The following ODF2 variants were observed in gnomAD, a reference collection of about 807,000 sequenced individuals.
The protein encoded by ODF2 is outer dense fiber of sperm tails 2, also known as outer dense fiber protein 2.
In ODF2, 47 loss-of-function variants were observed where a neutral mutation model predicts 110.2. The observed-to-expected ratio is 0.43, with a 90% CI of 0.34 to 0.54. The LOEUF (loss-of-function observed/expected upper bound fraction) is 0.54. Ranked by LOEUF, ODF2 falls within the 20% of genes least tolerant of loss-of-function variation. ODF2 has a pLI of 0.03. For missense variants in ODF2, 812 were observed against 1,054.5 expected (o/e 0.77, Z 3.19); for synonymous variants, 352 against 397.7 (o/e 0.89, Z 1.37).
intron 1 of ODF2, chr9:128,457,054 G>T: frequency 7.7e-7 from 1 of 1,304,588 alleles, no homozygotes; most frequent in Non-Finnish European, 9.9e-7. Context: ...GGCGCCTCAG[G>T]TTTCCCCCGG....
In ODF2 at chr9:128,492,731, G is replaced by A. The variant is rs1844842126; in HGVS notation, c.1678G>A (p.Val560Ile). Residue 560 changes from valine (V) to isoleucine (I), a missense_variant, in exon 16 of 21, where the codon GTA (valine) becomes ATA (isoleucine). Physicochemically the swap from Val to Ile is conservative, Grantham distance 29 (BLOSUM62 3). Around this residue, in one of 5 missense-constraint regions of ODF2, gnomAD observed 165 missense variants for 293.4 expected, o/e 0.56. Transcript: ENST00000604420. The stretch of plus-strand genomic sequence containing the variant: ...GAAGACCAGATTGGAGGCTGATGAA[G>A]TAGCTGCCCAGCTAGAACGCTGTGA... The A allele has an allele frequency of 3.1e-6, 5 of 1,614,088 alleles. No homozygotes were observed. In the African/African-American group the frequency reaches 6.7e-5, roughly 22 times the overall value.
chr9:128,459,697 T>C lies in ODF2; in HGVS notation c.123+40T>C, dbSNP rs35600008. 8.1e-3 allele frequency: 12,322 copies of C among 1,514,150 alleles called. 339 individuals carry two copies. The East Asian group carries it at 0.083, about 10-fold the overall frequency. The allele number at this position is 1,514,150 out of a possible 1,614,324, so 93.8% of individuals were successfully genotyped here. On this transcript the variant is annotated intron_variant, in intron 3 of 20. Transcript: ENST00000604420. ...CACGTAGCAGCCCTCTTTGGTCACC[T>C]TGCTAAAAATGCTTTTGCACACCGT...
chr9:128,479,122 T>C (rs1841934885), intron 8 of ODF2, among the ~76,000 whole-genome samples: 1 of 152,162 alleles, frequency 6.6e-6, no homozygotes, highest in South Asian at 2.1e-4. Flanking sequence ...TCTTTGCCTC[T>C]TGTTGCCAGA....
At chr9:128,456,577 G>T in intron 1 of ODF2, 1 of 1,525,222 alleles carries the variant, frequency 6.6e-7, no homozygotes, top group South Asian at 1.2e-5. Flanking sequence ...CTGCCTGCTG[G>T]TGGGTGGCCG....
At position 128,499,481 on chromosome 9, in the gene ODF2, G is replaced by A. The variant is rs1291258171; in HGVS notation, c.2301+355G>A. 2.0e-5 allele frequency among the ~76,000 whole-genome samples: 3 copies of A among 152,130 alleles called. No individual in the cohort carries two copies. In the East Asian group the frequency reaches 5.8e-4, roughly 29 times the overall value. On this transcript the variant is annotated intron_variant, in intron 20 of 20. Coordinates refer to ENST00000604420, the Ensembl canonical transcript of ODF2. ...CTTTTTTGTGTGTATTTTTAGTAGAGATGGGGTTTCGCCATGTTGGCCAGG... is the reference window on the plus strand; with the variant it reads ...CTTTTTTGTGTGTATTTTTAGTAGAAATGGGGTTTCGCCATGTTGGCCAGG...
chr9:128,456,637 C>T (rs1688510433), intron 1 of ODF2: 20 of 1,489,888 alleles, frequency 1.3e-5, no homozygotes, highest in Non-Finnish European at 1.1e-5. Context: ...TGCCCGTCGG[C>T]GGCATCGCCC....
At chr9:128,469,983 C>CAA (rs1187840225) in intron 5 of ODF2, among the ~76,000 whole-genome samples, 1 of 6,364 alleles carries the variant, frequency 1.6e-4, no homozygotes, top group Non-Finnish European at 2.9e-4. Context: ...GTCTCTGTCT[C>CAA]AAAAAAAAAA....
exon 4 of ODF2, chr9:128,461,014 C>A (rs773789602): frequency 3.7e-6 from 6 of 1,614,138 alleles, no homozygotes; most frequent in East Asian, 2.2e-5. Context: ...AACCAAGGTA[C>A]CTTGGATGCC....
At chr9:128,464,434 G>A (rs1036289868) in intron 4 of ODF2, among the ~76,000 whole-genome samples, 6 of 152,216 alleles carry the variant, frequency 3.9e-5, no homozygotes, top group South Asian at 4.1e-4. Context: ...GATTACAGGC[G>A]TGAGCCACTG....
chr9:128,496,110 C>A (rs746163386), exon 18 of ODF2: 2 of 1,613,926 alleles, frequency 1.2e-6, no homozygotes, highest in Admixed American at 1.7e-5. Context: ...GGAAAATAAA[C>A]AGCTGAGTCT....
intron 2 of ODF2, 99 bp from the exon 2 acceptor site, chr9:128,459,468 C>A: frequency 1.1e-6 from 1 of 936,042 alleles, no homozygotes; most frequent in Non-Finnish European, 1.7e-6. Context: ...TAGCCATGAA[C>A]ATGTTAGCTA....
At chr9:128,472,779 A>T in intron 6 of ODF2, 134 bp from the exon 7 acceptor site, 2 of 1,382,824 alleles carry the variant, frequency 1.4e-6, no homozygotes, top group Non-Finnish European at 2.0e-6. Flanking sequence ...CCCAGGCCAG[A>T]AGGGCTGTCC....
intron 4 of ODF2, among the ~76,000 whole-genome samples, chr9:128,465,285 G>A (rs556501781): frequency 1.3e-5 from 2 of 152,278 alleles, no homozygotes; most frequent in South Asian, 4.2e-4. Context: ...CTTCATGGAC[G>A]GAAGGGGAAC....
chr9:128,456,193 C>A, exon 1 of ODF2: 1 of 1,548,554 alleles, frequency 6.5e-7, no homozygotes, highest in East Asian at 2.4e-5. Context: ...ATGGCACGAC[C>A]CTGGCCTCCG....
chr9:128,488,097 TG>T, intron 14 of ODF2, 72 bp downstream of exon 14: 1 of 1,569,024 alleles, frequency 6.4e-7, no homozygotes, highest in Non-Finnish European at 8.7e-7. Context: ...TTGTCTTACG[TG>T]GGCCTGGGGG....
intron 14 of ODF2, among the ~76,000 whole-genome samples, chr9:128,490,762 C>T (rs936404474): frequency 5.9e-5 from 9 of 152,246 alleles, no homozygotes; most frequent in Non-Finnish European, 1.3e-4. Flanking sequence ...TATTCTGTCA[C>T]TTGCTTTTCT....
chr9:128,484,599 G>A lies in ODF2; in HGVS notation c.1105-102G>A, dbSNP rs1338377376. On this transcript the variant is annotated intron_variant, in intron 11 of 20. Transcript: ENST00000604420. ...TTTCTGTCTTCCTCGTTTCCTCTTT[G>A]CTCTTGCCTTTTCCTCCCTTTCTCC... The A allele has an allele frequency of 7.3e-5, 92 of 1,260,568 alleles. No homozygotes were observed. The South Asian group carries it at 9.0e-4, about 12-fold the overall frequency. The allele number at this position is 1,260,568 out of a possible 1,614,324, so 78.1% of individuals were successfully genotyped here.
chr9:128,458,231 T>C (rs150692218), intron 2 of ODF2, among the ~76,000 whole-genome samples: 11 of 152,094 alleles, frequency 7.2e-5, no homozygotes, highest in Admixed American at 6.6e-4. Context: ...GGTGGGTGGA[T>C]CACCTGAGGT....
intron 17 of ODF2, 58 bp from the exon 18 acceptor site, chr9:128,495,983 G>A: frequency 6.2e-7 from 1 of 1,600,898 alleles, no homozygotes; most frequent in Non-Finnish European, 8.5e-7. Flanking sequence ...CATAGGGAAA[G>A]GGGAGGGCTC....
Sources: allele counts gnomAD v4.1 joint callset (sites outside exome capture counted in the v4.1 genomes callset), GRCh38; gene constraint gnomAD v4.1.1; regional missense constraint gnomAD v4.1.1; transcripts MANE v1.5; gene names NCBI Gene and HGNC (gene_info 2026-07-23, HGNC 2026-07-21).